Variants in LRIG1 observed in about 807,000 individuals in gnomAD.
LRIG1 encodes leucine-rich repeats and immunoglobulin-like domains protein 1.
In LRIG1, 48 loss-of-function variants were observed where a neutral mutation model predicts 99.2. That is an observed-to-expected ratio of 0.48 (90% confidence interval 0.38 to 0.62). The LOEUF (loss-of-function observed/expected upper bound fraction) is 0.62, where lower values mean the gene tolerates loss of function less well. LRIG1 is among the 20% of genes least tolerant of loss of function. LRIG1 has a pLI of 0.00. For missense variants in LRIG1, 1,646 were observed against 1,434.4 expected, an observed-to-expected ratio of 1.15 and a Z score of -2.38; for synonymous variants, 772 against 596.1, an observed-to-expected ratio of 1.29 and a Z score of -4.30.
At position 66,386,275 on chromosome 3, in the gene LRIG1, T is replaced by G; in HGVS notation, c.1495A>C (p.Thr499Pro). ...ATAGCCATGGTGGTTTCTGGCTGGG[T>G]GATGATCTGTGGCTTCAGGAAGTCA... is the stretch of plus-strand genomic sequence containing the variant. ...CDDFLKPQII[T>P]QPETTMAMVG... The change falls in exon 13 of 19, where the codon ACC becomes CCC. Residue 499 changes from threonine (T) to proline (P), a missense_variant. Thr to Pro is a conservative substitution (Grantham distance 38). Coordinates refer to ENST00000273261, the MANE Select transcript of LRIG1 (RefSeq NM_015541.3). 1 of 1,613,996 alleles carries G rather than the reference T, an allele frequency of 6.2e-7. No homozygotes were observed. Among genetic ancestry groups the G allele is most frequent in the Non-Finnish European group, 8.5e-7 (1 of 1,179,972 alleles).
chr3:66,442,385 T>C (rs562203148), intron 3 of LRIG1, among the ~76,000 whole-genome samples: 5 of 152,080 alleles, frequency 3.3e-5, no homozygotes, highest in Non-Finnish European at 5.9e-5. Context: ...ATTAGGTGCA[T>C]ATGCACATGA....
At chr3:66,448,134 G>T (rs1703787078) in intron 3 of LRIG1, among the ~76,000 whole-genome samples, 1 of 152,218 alleles carries the variant, frequency 6.6e-6, no homozygotes, top group African/African-American at 2.4e-5. Context: ...AACTGAATTA[G>T]ATTCCTTTAA....
chr3:66,408,818 A>C (rs1047225021), intron 7 of LRIG1, among the ~76,000 whole-genome samples: 4 of 152,150 alleles, frequency 2.6e-5, no homozygotes, highest in Non-Finnish European at 4.4e-5. Context: ...CAAAGGGTTA[A>C]CACTCACAGA....
intron 16 of LRIG1, among the ~76,000 whole-genome samples, 192 bp from the exon 17 acceptor site, chr3:66,381,823 T>C (rs567000597): frequency 2.7e-4 from 41 of 152,286 alleles, no homozygotes; most frequent in African/African-American, 9.9e-4. Context: ...CCTTGTGAAA[T>C]GAGCAGCTGT....
intron 2 of LRIG1, among the ~76,000 whole-genome samples, chr3:66,460,437 T>C (rs1337363266): frequency 6.6e-6 from 1 of 152,182 alleles, no homozygotes; most frequent in Non-Finnish European, 1.5e-5. Flanking sequence ...GCTGAAGCTC[T>C]AACCCCTAGT....
intron 9 of LRIG1, among the ~76,000 whole-genome samples, chr3:66,403,144 C>A (rs1198454731): frequency 6.6e-6 from 1 of 152,068 alleles, no homozygotes; most frequent in Non-Finnish European, 1.5e-5. Flanking sequence ...CCGGTCGTGC[C>A]AATCTCACCT....
intron 1 of LRIG1, among the ~76,000 whole-genome samples, chr3:66,471,483 C>T (rs1386459809): frequency 6.6e-6 from 1 of 152,174 alleles, no homozygotes; most frequent in African/African-American, 2.4e-5. Flanking sequence ...GTGCTCCCTG[C>T]TCCCACTGAA....
At chr3:66,453,612 C>T (rs1163789611) in intron 2 of LRIG1, among the ~76,000 whole-genome samples, 1 of 152,224 alleles carries the variant, frequency 6.6e-6, no homozygotes, top group Non-Finnish European at 1.5e-5. Context: ...TACTACCATT[C>T]TCTACATTAC....
chr3:66,476,813 G>C (rs1700732490), intron 1 of LRIG1, among the ~76,000 whole-genome samples: 2 of 152,136 alleles, frequency 1.3e-5, no homozygotes, highest in African/African-American at 4.8e-5. Context: ...AACTACACTG[G>C]TATCTATACC....
chr3:66,457,032 C>A (rs542758039), intron 2 of LRIG1, among the ~76,000 whole-genome samples: 1 of 152,238 alleles, frequency 6.6e-6, no homozygotes, highest in East Asian at 1.9e-4. Flanking sequence ...CCTCCAGGGG[C>A]CTCGCCTTCT....
chr3:66,381,157 C>G (rs1281967515), intron 17 of LRIG1, among the ~76,000 whole-genome samples: 1 of 152,114 alleles, frequency 6.6e-6, no homozygotes, highest in Non-Finnish European at 1.5e-5. Context: ...TGGGTCTTTT[C>G]AACAATTAGA....
chr3:66,409,866 A>G (rs534329400), intron 7 of LRIG1: 7 of 366,156 alleles, frequency 1.9e-5, no homozygotes, highest in African/African-American at 1.2e-4. Flanking sequence ...TTGGGGGCCA[A>G]GGCTCCCTGC....
intron 12 of LRIG1, among the ~76,000 whole-genome samples, chr3:66,389,833 T>C (rs1356531817): frequency 5.9e-5 from 9 of 152,110 alleles, no homozygotes; most frequent in Admixed American, 4.6e-4. Flanking sequence ...AAAACCGAAT[T>C]ATAAACTTTA....
chr3:66,383,622 C>T (rs1194400934), intron 14 of LRIG1, among the ~76,000 whole-genome samples: 1 of 152,152 alleles, frequency 6.6e-6, no homozygotes, highest in East Asian at 1.9e-4. Context: ...CTGACAAAAG[C>T]CCCTGCTATT....
chr3:66,410,249 A>G lies in LRIG1; in HGVS notation c.815T>C (p.Val272Ala). ...GTAGAGCGAGCCGCTGTTCACTTCT[A>G]CCAGGCTGTTGTACTCCAGGTGCCT... ...HVLHLEYNSL[V>A]EVNSGSLYGL... Residue 272 changes from valine (V) to alanine (A), a missense_variant, in exon 7 of 19, where the codon GTA (valine) becomes GCA (alanine). By Grantham distance (64) the Val-to-Ala change is moderately conservative. Transcript: ENST00000273261. 6.2e-7 allele frequency: 1 copy of G among 1,611,882 alleles called. No individual in the cohort carries two copies. Among genetic ancestry groups the G allele is most frequent in the Non-Finnish European group, 8.5e-7 (1 of 1,178,896 alleles).
chr3:66,402,615 T>A (rs1300091082), intron 9 of LRIG1, among the ~76,000 whole-genome samples: 1 of 152,160 alleles, frequency 6.6e-6, no homozygotes, highest in Non-Finnish European at 1.5e-5. Flanking sequence ...TACCTTCCCA[T>A]CCTAGGGCAG....
chr3:66,407,060 C>T (rs1702294142), intron 8 of LRIG1, among the ~76,000 whole-genome samples: 4 of 152,192 alleles, frequency 2.6e-5, no homozygotes, highest in African/African-American at 9.7e-5. Flanking sequence ...TAGGAGCCAG[C>T]ATCCTGTCCA....
intron 1 of LRIG1, among the ~76,000 whole-genome samples, chr3:66,466,286 T>A (rs142225863): frequency 7.3e-4 from 111 of 152,162 alleles, no homozygotes; most frequent in Non-Finnish European, 1.1e-3. Context: ...GAAGCAATCC[T>A]CCCACCTCAG....
chr3:66,386,423 T>G (rs1391145534), intron 12 of LRIG1, 122 bp from the exon 13 acceptor site: 1 of 788,964 alleles, frequency 1.3e-6, no homozygotes, highest in Non-Finnish European at 2.1e-6. Flanking sequence ...GAGGTCCCTG[T>G]GCATCCTCAG....
Sources: allele counts gnomAD v4.1 joint callset (sites outside exome capture counted in the v4.1 genomes callset), GRCh38; gene constraint gnomAD v4.1.1; transcripts MANE v1.5; gene names NCBI Gene and HGNC (gene_info 2026-07-23, HGNC 2026-07-21).